The following GABRG3 variants were observed in gnomAD, a reference collection of about 807,000 sequenced individuals.
The protein encoded by GABRG3 is gamma-aminobutyric acid receptor subunit gamma-3.
Under a neutral mutation model 48.8 loss-of-function variants are expected in GABRG3, and 25 were observed. The observed-to-expected ratio is 0.51, with a 90% CI of 0.37 to 0.72. GABRG3 has a LOEUF of 0.72. GABRG3 is among the 30% of genes least tolerant of loss of function. The pLI, the probability that GABRG3 is intolerant of heterozygous loss-of-function variation, is 0.00. For missense variants in GABRG3, 394 were observed against 577.9 expected (o/e 0.68, Z 3.26); for synonymous variants, 227 against 217.6 (o/e 1.04, Z -0.38).
At chr15:27,299,789 A>T (rs1169860013) in intron 3 of GABRG3, among the ~76,000 whole-genome samples, 1 of 152,112 alleles carries the variant, frequency 6.6e-6, no homozygotes, top group Non-Finnish European at 1.5e-5. Flanking sequence ...TTGAGAAAGG[A>T]TATGGGAGTG....
intron 3 of GABRG3, among the ~76,000 whole-genome samples, chr15:27,109,868 C>T (rs1897515150): frequency 6.6e-6 from 1 of 152,052 alleles, no homozygotes; most frequent in South Asian, 2.1e-4. Flanking sequence ...GGCGACAGAG[C>T]GAGACTGTGT....
intron 3 of GABRG3, among the ~76,000 whole-genome samples, chr15:27,149,357 G>A (rs2140395348): frequency 6.6e-6 from 1 of 152,236 alleles, no homozygotes; most frequent in Admixed American, 6.5e-5. Context: ...TAAATGGAAA[G>A]ACAGCTCATG....
intron 5 of GABRG3, among the ~76,000 whole-genome samples, chr15:27,353,649 G>T (rs1358583669): frequency 1.3e-5 from 2 of 151,890 alleles, no homozygotes; most frequent in Non-Finnish European, 2.9e-5. Context: ...TTGCCGTGTT[G>T]GCCAGGCTGG....
intron 4 of GABRG3, 54 bp from the exon 5 acceptor site, chr15:27,328,752 C>T (rs113958075): frequency 3.5e-5 from 53 of 1,521,712 alleles, no homozygotes; most frequent in Admixed American, 3.2e-4. Flanking sequence ...TAACGGCCGC[C>T]GGCCTTGCCC....
At chr15:27,012,689 G>A (rs768392681) in intron 2 of GABRG3, among the ~76,000 whole-genome samples, 1 of 151,992 alleles carries the variant, frequency 6.6e-6, no homozygotes, top group South Asian at 2.1e-4. Flanking sequence ...CTCAGTACCT[G>A]GTTTTATTCC....
At chr15:27,118,135 G>T (rs1029473183) in intron 3 of GABRG3, among the ~76,000 whole-genome samples, 1 of 152,114 alleles carries the variant, frequency 6.6e-6, no homozygotes, top group Non-Finnish European at 1.5e-5. Flanking sequence ...AGTCCATAAT[G>T]TAATTCTTTA....
intron 3 of GABRG3, among the ~76,000 whole-genome samples, chr15:27,238,400 G>A (rs1049585267): frequency 3.9e-5 from 6 of 152,216 alleles, no homozygotes; most frequent in Non-Finnish European, 2.9e-5. Flanking sequence ...GGAGCCGCGC[G>A]GGGGCGCAGT....
At chr15:27,355,887 T>G (rs1894820438) in intron 5 of GABRG3, among the ~76,000 whole-genome samples, 1 of 152,202 alleles carries the variant, frequency 6.6e-6, no homozygotes, top group South Asian at 2.1e-4. Flanking sequence ...ATGATTCCAC[T>G]TATATGAAAT....
Position 27,104,481 on chromosome 15 carries a change from G to T in GABRG3, c.270+77660G>T, listed in dbSNP as rs946394524. ...TGGTTTGTTGTAGTTTTGTGTATGG[G>T]TTTTATTGAAACTGTTCTCTCATTC... On this transcript the variant is annotated intron_variant, in intron 3 of 9. Transcript: ENST00000615808. 3.9e-5 allele frequency among the ~76,000 whole-genome samples: 6 copies of T among 152,302 alleles called. No individual in the cohort carries two copies. In the East Asian group the frequency reaches 1.2e-3, roughly 29 times the overall value.
intron 2 of GABRG3, among the ~76,000 whole-genome samples, chr15:26,998,024 G>A (rs1016084701): frequency 1.3e-5 from 2 of 152,162 alleles, no homozygotes; most frequent in African/African-American, 4.8e-5. Context: ...TTTGTGGCTT[G>A]GGAAATGTTT....
intron 2 of GABRG3, among the ~76,000 whole-genome samples, chr15:27,019,256 G>A (rs1358420079): frequency 6.6e-6 from 1 of 151,754 alleles, no homozygotes. Flanking sequence ...ATTTTTAGTA[G>A]AGACGGGGTT....
intron 3 of GABRG3, among the ~76,000 whole-genome samples, chr15:27,028,912 A>G (rs1312584120): frequency 6.6e-6 from 1 of 151,960 alleles, no homozygotes; most frequent in Non-Finnish European, 1.5e-5. Flanking sequence ...TAGGGACTTG[A>G]AATCATGAAC....
chr15:27,001,151 C>G (rs1895439527), intron 2 of GABRG3, among the ~76,000 whole-genome samples: 1 of 152,262 alleles, frequency 6.6e-6, no homozygotes, highest in South Asian at 2.1e-4. Context: ...TCAGTGACCA[C>G]CGTCCTTCAT....
At chr15:27,035,710 G>A (rs137912689) in intron 3 of GABRG3, among the ~76,000 whole-genome samples, 4 of 152,310 alleles carry the variant, frequency 2.6e-5, no homozygotes, top group East Asian at 1.9e-4. Flanking sequence ...CTGAGTGTGC[G>A]TGGACAGCAG....
intron 3 of GABRG3, among the ~76,000 whole-genome samples, chr15:27,080,810 C>T (rs887793174): frequency 6.6e-6 from 1 of 152,176 alleles, no homozygotes; most frequent in African/African-American, 2.4e-5. Context: ...GGCCCTGGGA[C>T]TTGCTTCCAA....
chr15:27,331,632 T>C lies in GABRG3; in HGVS notation c.574+2744T>C, dbSNP rs569114969. Among the ~76,000 whole-genome samples the C allele has an allele frequency of 6.8e-4, 104 of 152,338 alleles. 3 individuals carry two copies. In the South Asian group the frequency reaches 0.02, roughly 29 times the overall value. On this transcript the variant is annotated intron_variant, in intron 5 of 9. Transcript: ENST00000615808. ...ACAGTGAAACTATTCTGTATGATAC[T>C]GTCATGTTGGACATATTTGTCCAAA...
intron 3 of GABRG3, among the ~76,000 whole-genome samples, chr15:27,033,837 A>G (rs1017135346): frequency 6.6e-6 from 1 of 152,188 alleles, no homozygotes; most frequent in African/African-American, 2.4e-5. Flanking sequence ...TAAATGTTCA[A>G]AAGGATTGTT....
At chr15:27,400,905 G>A (rs1307452951) in intron 5 of GABRG3, among the ~76,000 whole-genome samples, 2 of 152,162 alleles carry the variant, frequency 1.3e-5, no homozygotes, top group Non-Finnish European at 2.9e-5. Flanking sequence ...CAGAATCCAC[G>A]ACGGGAGACA....
At chr15:27,349,405 T>G (rs145501994) in intron 5 of GABRG3, among the ~76,000 whole-genome samples, 4 of 152,310 alleles carry the variant, frequency 2.6e-5, no homozygotes, top group African/African-American at 4.8e-5. Context: ...GATGTCTGCC[T>G]TAACCATTGC....
Sources: allele counts gnomAD v4.1 joint callset (sites outside exome capture counted in the v4.1 genomes callset), GRCh38; gene constraint gnomAD v4.1.1; transcripts MANE v1.5; gene names NCBI Gene and HGNC (gene_info 2026-07-23, HGNC 2026-07-21).